B3GALT1: variants seen among roughly 807,000 people sequenced by gnomAD.
B3GALT1 encodes beta-1,3-galactosyltransferase 1.
Under a neutral mutation model 23.2 loss-of-function variants are expected in B3GALT1, and 10 were observed. The ratio of observed to expected loss-of-function variants is 0.43; its 90% CI spans 0.27 to 0.73. The LOEUF (loss-of-function observed/expected upper bound fraction) is 0.73, where lower values mean the gene tolerates loss of function less well. Among genes scored for constraint, B3GALT1 ranks in the 30% least tolerant of loss-of-function variants. The probability of loss-of-function intolerance (pLI) is 0.21; values close to 1 mark genes in which losing one functional copy is unlikely to be tolerated. For missense variants in B3GALT1, 299 were observed against 405.4 expected, an observed-to-expected ratio of 0.74 and a Z score of 2.25; for synonymous variants, 156 against 141.5, an observed-to-expected ratio of 1.10 and a Z score of -0.73.
chr2:167,466,879 A>ATTTTTTTTTT (rs567975404), intron 1 of B3GALT1, among the ~76,000 whole-genome samples: 5 of 85,054 alleles, frequency 5.9e-5, no homozygotes, highest in African/African-American at 1.7e-4. Context: ...CGCCTGGCTA[A>ATTTTTTTTTT]TTTTTTTTTT....
intron 2 of B3GALT1, among the ~76,000 whole-genome samples, chr2:167,514,770 T>TC (rs1429648742): frequency 2.0e-5 from 3 of 152,172 alleles, no homozygotes; most frequent in African/African-American, 7.2e-5. Flanking sequence ...CCTGAGACTG[T>TC]CCAAGCCATA....
intron 2 of B3GALT1, among the ~76,000 whole-genome samples, chr2:167,629,576 TCCTCTGAA>T (rs1319497622): frequency 6.6e-6 from 1 of 151,748 alleles, no homozygotes; most frequent in Non-Finnish European, 1.5e-5. Flanking sequence ...CTATATAATA[TCCTCTGAA>T]CCTCTGAACC....
intron 1 of B3GALT1, among the ~76,000 whole-genome samples, chr2:167,315,519 A>C (rs1696702418): frequency 6.6e-6 from 1 of 152,166 alleles, no homozygotes; most frequent in Non-Finnish European, 1.5e-5. Context: ...TGGCAGGGAA[A>C]TCTTCCCTGC....
intron 1 of B3GALT1, among the ~76,000 whole-genome samples, chr2:167,337,662 C>T (rs1433863000): frequency 2.0e-5 from 3 of 151,628 alleles, no homozygotes; most frequent in East Asian, 3.9e-4. Flanking sequence ...TTTCTAGAGA[C>T]AGTGTTGTTA....
intron 1 of B3GALT1, among the ~76,000 whole-genome samples, chr2:167,439,696 T>C (rs1698846656): frequency 6.6e-6 from 1 of 152,170 alleles, no homozygotes; most frequent in Admixed American, 6.5e-5. Context: ...AATAGATGTA[T>C]TTAAATACAA....
chr2:167,712,644 T>G (rs1165238495), intron 3 of B3GALT1, among the ~76,000 whole-genome samples: 4 of 152,086 alleles, frequency 2.6e-5, no homozygotes, highest in African/African-American at 9.7e-5. Flanking sequence ...CTCTAGCAAA[T>G]TGGATTACTC....
chr2:167,432,148 A>G (rs571487811), intron 1 of B3GALT1, among the ~76,000 whole-genome samples: 146 of 152,254 alleles, frequency 9.6e-4, no homozygotes, highest in Admixed American at 3.9e-3. Context: ...GATCTTGTAC[A>G]CTGCAGGGGC....
intron 3 of B3GALT1, among the ~76,000 whole-genome samples, chr2:167,708,921 T>A (rs12614397): frequency 6.6e-6 from 1 of 150,826 alleles, no homozygotes; most frequent in African/African-American, 2.5e-5. Context: ...AATATTACTG[T>A]CTATTTTGCT....
intron 2 of B3GALT1, among the ~76,000 whole-genome samples, chr2:167,548,691 T>TGTGTGTGTGTGTGTGAGA (rs1553466253): frequency 1.9e-4 from 25 of 134,776 alleles, no homozygotes; most frequent in African/African-American, 5.9e-4. Flanking sequence ...TGTGAGTGTG[T>TGTGTGTGTGTGTGTGAGA]GTGTGTGTGT....
intron 4 of B3GALT1, among the ~76,000 whole-genome samples, chr2:167,829,264 A>G (rs1169342397): frequency 1.3e-5 from 2 of 152,064 alleles, no homozygotes; most frequent in Admixed American, 1.3e-4. Context: ...TAGGTGGATC[A>G]TGAGGTCAGG....
intron 3 of B3GALT1, chr2:167,715,357 C>T (rs1687126439): frequency 6.2e-7 from 1 of 1,613,764 alleles, no homozygotes; most frequent in African/African-American, 1.3e-5. Context: ...TAAGTTCAGT[C>T]ACTTGTTCTT....
At chr2:167,367,200 T>G (rs973343709) in intron 1 of B3GALT1, among the ~76,000 whole-genome samples, 2 of 152,176 alleles carry the variant, frequency 1.3e-5, no homozygotes, top group Non-Finnish European at 2.9e-5. Context: ...AAATTTAAGT[T>G]AATGGCAAAT....
intron 1 of B3GALT1, among the ~76,000 whole-genome samples, chr2:167,380,045 T>G (rs1697824778): frequency 6.6e-6 from 1 of 152,056 alleles, no homozygotes; most frequent in Non-Finnish European, 1.5e-5. Flanking sequence ...GGGGGTAAAG[T>G]AAAGCGGGTC....
At chr2:167,453,973 G>C (rs566354690) in intron 1 of B3GALT1, among the ~76,000 whole-genome samples, 2 of 152,238 alleles carry the variant, frequency 1.3e-5, no homozygotes, top group East Asian at 3.9e-4. Flanking sequence ...AGATTTTTTA[G>C]ATTAGACTCT....
chr2:167,542,399 C>CA (rs1683547825), intron 2 of B3GALT1, among the ~76,000 whole-genome samples: 1 of 152,104 alleles, frequency 6.6e-6, no homozygotes, highest in African/African-American at 2.4e-5. Flanking sequence ...CATGCTTATT[C>CA]TGTGTTTAAA....
chr2:167,693,581 A>T (rs898126158), intron 3 of B3GALT1, among the ~76,000 whole-genome samples: 4 of 152,126 alleles, frequency 2.6e-5, no homozygotes, highest in Non-Finnish European at 5.9e-5. Context: ...ATGCCTCATA[A>T]ATAGGAAAAA....
At chr2:167,683,851 A>G (rs1271232840) in intron 3 of B3GALT1, among the ~76,000 whole-genome samples, 1 of 152,186 alleles carries the variant, frequency 6.6e-6, no homozygotes, top group African/African-American at 2.4e-5. Flanking sequence ...GAATAAGCAT[A>G]ACTGTTATTT....
intron 1 of B3GALT1, among the ~76,000 whole-genome samples, chr2:167,377,865 G>A (rs569102873): frequency 6.6e-6 from 1 of 152,250 alleles, no homozygotes; most frequent in South Asian, 2.1e-4. Context: ...CTATCATGAA[G>A]TTGTTAGTTG....
intron 3 of B3GALT1, among the ~76,000 whole-genome samples, chr2:167,660,420 G>C (rs1686036159): frequency 6.6e-6 from 1 of 152,078 alleles, no homozygotes; most frequent in Non-Finnish European, 1.5e-5. Flanking sequence ...GTTCAAAGAT[G>C]ATTCAGTAGA....
Sources: allele counts gnomAD v4.1 joint callset (sites outside exome capture counted in the v4.1 genomes callset), GRCh38; gene constraint gnomAD v4.1.1; transcripts MANE v1.5; gene names NCBI Gene and HGNC (gene_info 2026-07-23, HGNC 2026-07-21).